The following CSNK1G3 variants were observed in gnomAD, a reference collection of about 807,000 sequenced individuals.
The protein encoded by CSNK1G3 is casein kinase I isoform gamma-3.
Under a neutral mutation model 64.3 loss-of-function variants are expected in CSNK1G3, and 23 were observed. The ratio of observed to expected loss-of-function variants is 0.36; its 90% CI spans 0.26 to 0.51. The LOEUF is 0.51. CSNK1G3 is among the 20% of genes least tolerant of loss of function. CSNK1G3 has a pLI of 0.96. For synonymous variants in CSNK1G3, 158 were observed against 162.2 expected (o/e 0.97, Z 0.20); for missense variants, 357 against 510.5 (o/e 0.70, Z 2.90).
At chr5:123,584,350 T>C (rs897898447) in intron 6 of CSNK1G3, among the ~76,000 whole-genome samples, 10 of 152,284 alleles carry the variant, frequency 6.6e-5, no homozygotes, top group African/African-American at 2.4e-4. Flanking sequence ...TTTGCTGAGA[T>C]TTTTTTAAAA....
chr5:123,565,650 A>G (rs916282198), intron 4 of CSNK1G3, among the ~76,000 whole-genome samples: 1 of 152,198 alleles, frequency 6.6e-6, no homozygotes, highest in Admixed American at 6.6e-5. Context: ...AAAGAGGTTT[A>G]GTTGGCTCAC....
intron 6 of CSNK1G3, among the ~76,000 whole-genome samples, chr5:123,587,407 TTATAAGCA>T (rs1371343350): frequency 6.6e-6 from 1 of 152,228 alleles, no homozygotes; most frequent in African/African-American, 2.4e-5. Context: ...CAGCAAGTAT[TTATAAGCA>T]TCTCCCTGAG....
intron 4 of CSNK1G3, 85 bp from the exon 5 acceptor site, chr5:123,573,308 T>G (rs1788484138): frequency 7.0e-7 from 1 of 1,429,748 alleles, no homozygotes. Flanking sequence ...CTTGAAACTA[T>G]AAAATTTTAA....
At chr5:123,562,105 T>G (rs1785854926) in intron 4 of CSNK1G3, among the ~76,000 whole-genome samples, 1 of 152,130 alleles carries the variant, frequency 6.6e-6, no homozygotes, top group Non-Finnish European at 1.5e-5. Context: ...CACTTACTAT[T>G]CCTTGAGTAG....
chr5:123,584,418 T>A (rs976073842), intron 6 of CSNK1G3, among the ~76,000 whole-genome samples: 5 of 152,334 alleles, frequency 3.3e-5, no homozygotes, highest in East Asian at 3.9e-4. Context: ...GATGACAATA[T>A]GATTTATATT....
chr5:123,542,791 C>A (rs1444510187), intron 1 of CSNK1G3, among the ~76,000 whole-genome samples: 2 of 150,800 alleles, frequency 1.3e-5, no homozygotes, highest in African/African-American at 4.9e-5. Context: ...TTTTCTCTCT[C>A]TGCTTTCAAG....
rs990791903 is a variant in CSNK1G3, at chr5:123,601,428, C to T, written c.1087-3296C>T. ...GTGATTCTATTCTGAACTTGGGATA[C>T]TAGCCTTTACTGAGAGGATTGGGGA... On this transcript the variant is annotated intron_variant, in intron 10 of 12. Transcript: ENST00000345990. 2.0e-5 allele frequency among the ~76,000 whole-genome samples: 3 copies of T among 152,130 alleles called. No individual in the cohort carries two copies. In the South Asian group the frequency reaches 6.2e-4, roughly 31 times the overall value.
At chr5:123,572,338 A>G (rs929941969) in intron 4 of CSNK1G3, among the ~76,000 whole-genome samples, 2 of 152,178 alleles carry the variant, frequency 1.3e-5, no homozygotes, top group Non-Finnish European at 2.9e-5. Flanking sequence ...GTTAGTTCTG[A>G]AAATAAAATA....
intron 10 of CSNK1G3, 90 bp downstream of exon 11, chr5:123,595,224 A>C: frequency 8.3e-7 from 1 of 1,201,126 alleles, no homozygotes; most frequent in Admixed American, 2.2e-5. Flanking sequence ...TTCATATCTT[A>C]ATGGAAAATT....
intron 1 of CSNK1G3, among the ~76,000 whole-genome samples, chr5:123,534,636 G>A (rs916684985): frequency 2.0e-5 from 3 of 152,068 alleles, no homozygotes; most frequent in African/African-American, 7.2e-5. Flanking sequence ...AAAAGCTGGG[G>A]CTCTCAGTTA....
intron 10 of CSNK1G3, among the ~76,000 whole-genome samples, chr5:123,600,903 C>CT (rs376563590): frequency 0.088 from 12,215 of 138,270 alleles, 547 homozygotes; most frequent in South Asian, 0.13. Context: ...GTCTAGTTGC[C>CT]TTTTTTTTTT....
At chr5:123,570,254 A>G (rs145855467) in intron 4 of CSNK1G3, among the ~76,000 whole-genome samples, 1 of 152,094 alleles carries the variant, frequency 6.6e-6, no homozygotes, top group Non-Finnish European at 1.5e-5. Context: ...ACTGCTATCT[A>G]TCTTATTCAG....
chr5:123,584,009 T>A (rs1279994209), intron 6 of CSNK1G3, among the ~76,000 whole-genome samples: 1 of 152,174 alleles, frequency 6.6e-6, no homozygotes, highest in African/African-American at 2.4e-5. Context: ...GATTTTTATG[T>A]ATTAACCTTA....
At chr5:123,558,002 C>G (rs1284321676) in intron 4 of CSNK1G3, among the ~76,000 whole-genome samples, 2 of 152,050 alleles carry the variant, frequency 1.3e-5, no homozygotes, top group African/African-American at 4.8e-5. Context: ...AGAGATTATT[C>G]TGGATTATCT....
chr5:123,571,768 GA>G (rs957119726), intron 4 of CSNK1G3, among the ~76,000 whole-genome samples: 13 of 142,308 alleles, frequency 9.1e-5, no homozygotes, highest in Non-Finnish European at 9.4e-5. Flanking sequence ...TCAATATACT[GA>G]AAAAAAATCA....
intron 4 of CSNK1G3, among the ~76,000 whole-genome samples, chr5:123,564,396 G>C (rs371121606): frequency 3.2e-4 from 49 of 152,060 alleles, no homozygotes; most frequent in African/African-American, 1.2e-3. Flanking sequence ...CATAATTTTT[G>C]TAATTCCTTG....
In CSNK1G3 at chr5:123,561,184, A is replaced by T. The variant is rs200553318; in HGVS notation, c.289+3620A>T. On this transcript the variant is annotated intron_variant, in intron 4 of 12. Transcript: ENST00000345990. ...TTGCATAGGATTAGACTATTGTTTT[A>T]TACCATTATCACTCTCTGGGATAGC... Among the ~76,000 whole-genome samples the T allele has an allele frequency of 2.4e-4, 36 of 152,256 alleles. No homozygotes were observed. In the East Asian group the frequency reaches 6.6e-3, roughly 28 times the overall value.
chr5:123,609,994 A>C lies in CSNK1G3; in HGVS notation c.1218-4348A>C, dbSNP rs1796038407. On this transcript the variant is annotated intron_variant, in intron 12 of 12. Transcript: ENST00000345990. Reference sequence around the variant, plus strand: ...GGAAGTCCTTTAAAAGGTGCTTAGCAGTGGTGGAGGCAAGTTGAAAAGTTC... The same window carrying C: ...GGAAGTCCTTTAAAAGGTGCTTAGCCGTGGTGGAGGCAAGTTGAAAAGTTC... Among the ~76,000 whole-genome samples the C allele has an allele frequency of 1.3e-5, 2 of 152,212 alleles. 1 individual carries two copies. Among genetic ancestry groups the C allele is most frequent in the Non-Finnish European group, 2.9e-5 (2 of 68,020 alleles).
intron 1 of CSNK1G3, among the ~76,000 whole-genome samples, chr5:123,533,452 A>G (rs1471536024): frequency 1.3e-5 from 2 of 151,790 alleles, no homozygotes; most frequent in African/African-American, 4.8e-5. Context: ...TTTCCTTCTT[A>G]ACCTTCTGAG....
Sources: gnomAD v4.1 joint callset for allele counts (sites outside exome capture counted in the v4.1 genomes callset) on GRCh38, gnomAD v4.1.1 for gene constraint, MANE v1.5 for transcripts, NCBI Gene and HGNC (gene_info 2026-07-23, HGNC 2026-07-21) for gene names.